Variants in UBA5 observed in about 807,000 individuals in gnomAD.
UBA5 encodes ubiquitin-like modifier-activating enzyme 5.
UBA5 carries 28 observed loss-of-function variants against 52.9 expected under a neutral mutation model. The ratio of observed to expected loss-of-function variants is 0.53; its 90% CI spans 0.39 to 0.73. The LOEUF (loss-of-function observed/expected upper bound fraction) is 0.73, where lower values mean the gene tolerates loss of function less well. UBA5 is among the 30% of genes least tolerant of loss of function. The pLI, the probability that UBA5 is intolerant of heterozygous loss-of-function variation, is 0.00. For synonymous variants in UBA5, 135 were observed against 162.1 expected, an observed-to-expected ratio of 0.83 and a Z score of 1.27; for missense variants, 388 against 492.7, an observed-to-expected ratio of 0.79 and a Z score of 2.01.
intron 7 of UBA5, 34 bp from the exon 8 acceptor site, chr3:132,672,015 CT>C (rs59956066): frequency 5.0e-5 from 79 of 1,591,762 alleles, no homozygotes; most frequent in Admixed American, 2.2e-4. Flanking sequence ...TACTTTTTCT[CT>C]TTTTTTTTGA....
Position 132,676,523 on chromosome 3 carries a change from G to C in UBA5, c.1212G>C (p.Met404Ile). The change falls in exon 12 of 12, where the codon ATG (methionine) becomes ATC (isoleucine). Residue 404 changes from methionine (M) to isoleucine (I), a missense_variant. Transcript: ENST00000356232. This position sits in a 1 kb window ranked among gnomAD's most constrained non-coding sequence, Gnocchi z 4.1. The part of the protein sequence containing the change: ...LEDLMAKMKN[M>I] ...ACCTCATGGCCAAAATGAAGAATAT[G>C]TAGATAATGGACTGGGATATATTGT... 6.3e-7 allele frequency: 1 copy of C among 1,599,536 alleles called. No individual in the cohort carries two copies. The highest frequency in any genetic ancestry group is 8.5e-7 in the Non-Finnish European group (1 of 1,170,462).
Position 132,676,013 on chromosome 3 carries a change from C to T in UBA5, c.1131+90C>T. 1 of 895,556 alleles carries T rather than the reference C, an allele frequency of 1.1e-6. No homozygotes were observed. Among genetic ancestry groups the T allele is most frequent in the South Asian group, 1.9e-5 (1 of 53,960 alleles). The allele number at this position is 895,556 out of a possible 1,614,324, so 55.5% of individuals were successfully genotyped here. ...AATTTGTAATGCCAATGAAGTATTT[C>T]CTGTTTTAGATATTTTATGCTATAG... On this transcript the variant is annotated intron_variant, in intron 11 of 11. Transcript: ENST00000356232. This position sits in a 1 kb window ranked among gnomAD's most constrained non-coding sequence, Gnocchi z 4.1.
intron 1 of UBA5, among the ~76,000 whole-genome samples, chr3:132,654,990 G>A (rs1260678833): frequency 1.3e-5 from 2 of 152,100 alleles, no homozygotes; most frequent in Non-Finnish European, 1.5e-5. Context: ...ACTGAATACT[G>A]CAGGCAATTA....
At position 132,675,366 on chromosome 3, in the gene UBA5, C is replaced by A. The variant is rs753324669; in HGVS notation, c.931C>A (p.Gln311Lys). The A allele has an allele frequency of 5.0e-6, 8 of 1,613,480 alleles. No homozygotes were observed. In the South Asian group the frequency reaches 8.8e-5, roughly 18 times the overall value. The part of the protein sequence containing the change: ...PQCDDRNCRK[Q>K]QEEYKKKVAA... ...GTGTGATGACAGAAATTGCAGGAAG[C>A]AGCAGGAGGAATATAAGGTATATGA... Residue 311 changes from glutamine to lysine, a missense_variant, in exon 9 of 12, where the codon CAG (glutamine) becomes AAG (lysine). Physicochemically the swap from Gln to Lys is moderately conservative, Grantham distance 53. This residue lies in a region of UBA5 where 277 missense variants were observed against 326.4 expected (regional missense o/e 0.85). Coordinates refer to ENST00000356232, the MANE Select transcript of UBA5 (RefSeq NM_024818.6).
At chr3:132,673,208 CAA>C (rs1261651062) in intron 8 of UBA5, among the ~76,000 whole-genome samples, 1 of 152,162 alleles carries the variant, frequency 6.6e-6, no homozygotes, top group African/African-American at 2.4e-5. Context: ...TCATGGCTAA[CAA>C]AGTATTCCCT....
chr3:132,658,812 C>T (rs1486895356), upstream of UBA5, among the ~76,000 whole-genome samples: 2 of 152,098 alleles, frequency 1.3e-5, no homozygotes, highest in Non-Finnish European at 2.9e-5. Flanking sequence ...GCAATTTTTA[C>T]GCCCTTTCAC....
upstream of UBA5, among the ~76,000 whole-genome samples, chr3:132,656,654 C>G (rs899673484): frequency 8.6e-5 from 13 of 151,978 alleles, no homozygotes. Context: ...ACCACCACAC[C>G]CAGCTAATTT....
In UBA5 at chr3:132,671,032, C is replaced by T. The variant is rs374052333; in HGVS notation, c.562C>T (p.Arg188Ter). The T allele has an allele frequency of 2.2e-5, 36 of 1,612,932 alleles. No individual in the cohort carries two copies. Among genetic ancestry groups the T allele is most frequent in the Non-Finnish European group, 3.0e-5 (35 of 1,179,300 alleles). Reference protein sequence around the residue: ...VLSCVDNFEARMTINTACNEL... With the variant: ...VLSCVDNFEA ...TAGCTGTGTGGACAATTTTGAAGCT[C>T]GAATGACAATAAATACAGTGAGTAT... The change falls in exon 6 of 12, where the codon CGA becomes TGA. Residue 188 changes from arginine to a stop codon, truncating the protein, a stop_gained. Coordinates refer to ENST00000356232, the MANE Select transcript of UBA5 (RefSeq NM_024818.6). LOFTEE classifies it high-confidence loss of function.
upstream of UBA5, among the ~76,000 whole-genome samples, chr3:132,656,495 AT>A (rs34116314): frequency 8.6e-4 from 126 of 145,694 alleles, no homozygotes; most frequent in Non-Finnish European, 8.8e-4. Context: ...ATATTGTCAG[AT>A]TTTTTTTTTT....
At chr3:132,665,206 A>G (rs1938324560) in intron 1 of UBA5, among the ~76,000 whole-genome samples, 1 of 152,076 alleles carries the variant, frequency 6.6e-6, no homozygotes, top group African/African-American at 2.4e-5. Flanking sequence ...ATATGATGGT[A>G]ATGGACTTAA....
intron 1 of UBA5, among the ~76,000 whole-genome samples, chr3:132,663,819 A>G (rs1938266295): frequency 6.6e-6 from 1 of 152,214 alleles, no homozygotes; most frequent in South Asian, 2.1e-4. Flanking sequence ...ACATCCCCCT[A>G]AATTATCATT....
Position 132,676,960 on chromosome 3 carries a change from A to G in UBA5, c.*434A>G. ...TACAGCTTATTGATTAGAGCTGGCA[A>G]GCATCTGCTCATTATGTTTGGAATT... On this transcript the variant is annotated 3_prime_UTR_variant, in exon 12 of 12. Transcript: ENST00000356232. The surrounding 1 kb of genome is among the most constrained non-coding windows in gnomAD (Gnocchi z 4.1). 4.6e-6 allele frequency: 2 copies of G among 435,872 alleles called. No homozygotes were observed. Among genetic ancestry groups the G allele is most frequent in the Admixed American group, 4.9e-5 (2 of 40,936 alleles). 27.0% of individuals were successfully genotyped at this position (435,872 alleles called of 1,614,324 possible).
At position 132,671,095 on chromosome 3, in the gene UBA5, T is replaced by A. The variant is rs1938581962; in HGVS notation, c.579+46T>A. ...AGATATATTCATGGATTTATCTGTT[T>A]TCCTGTATATTCTATCAGTATATAA... On this transcript the variant is annotated intron_variant, in intron 6 of 11. Coordinates refer to ENST00000356232, the MANE Select transcript of UBA5 (RefSeq NM_024818.6). The A allele has an allele frequency of 2.7e-6, 4 of 1,488,292 alleles. No homozygotes were observed. The Admixed American group carries it at 5.1e-5, about 19-fold the overall frequency. 92.2% of individuals were successfully genotyped at this position (1,488,292 alleles called of 1,614,324 possible). A position where few individuals can be genotyped will look rare whatever the true frequency, so the allele number is the denominator to read the frequency against.
chr3:132,674,497 G>A (rs1938745050), intron 8 of UBA5, among the ~76,000 whole-genome samples: 1 of 152,120 alleles, frequency 6.6e-6, no homozygotes, highest in Non-Finnish European at 1.5e-5. Context: ...AGACCAGCTT[G>A]GGCAACATGG....
rs1303301671 is a variant in UBA5, at chr3:132,676,963, ATCTGC to A, written c.*440_*444del. 2.3e-6 allele frequency: 1 copy of A among 427,384 alleles called. No homozygotes were observed. The highest frequency in any genetic ancestry group is 7.1e-5 in the East Asian group (1 of 14,096). 26.5% of individuals were successfully genotyped at this position (427,384 alleles called of 1,614,324 possible). ...AGCTTATTGATTAGAGCTGGCAAGC[ATCTGC>A]TCATTATGTTTGGAATTGCTTTCTA... On this transcript the variant is annotated 3_prime_UTR_variant, in exon 12 of 12. Coordinates refer to ENST00000356232, the MANE Select transcript of UBA5 (RefSeq NM_024818.6). The surrounding 1 kb of genome is among the most constrained non-coding windows in gnomAD (Gnocchi z 4.1).
At chr3:132,673,952 C>G (rs1272556900) in intron 8 of UBA5, among the ~76,000 whole-genome samples, 1 of 152,186 alleles carries the variant, frequency 6.6e-6, no homozygotes, top group Non-Finnish European at 1.5e-5. Flanking sequence ...AGGCATGAGC[C>G]ACTGCACACG....
upstream of UBA5, chr3:132,660,286 C>G (rs1242086919): frequency 3.4e-6 from 2 of 582,624 alleles, no homozygotes; most frequent in African/African-American, 1.9e-5. The surrounding 1 kb of genome is among the most constrained non-coding windows in gnomAD (Gnocchi z 4.1). Flanking sequence ...GGAAGGAAGC[C>G]GAAAGAGCCA....
At chr3:132,656,056 C>A (rs375388753), upstream of UBA5, among the ~76,000 whole-genome samples, 113 of 152,264 alleles carry the variant, frequency 7.4e-4, 1 homozygote, top group African/African-American at 2.6e-3. Context: ...TGAGTGACTA[C>A]CATTCTGAAT....
intron 8 of UBA5, 115 bp from the exon 9 acceptor site, chr3:132,675,133 C>G: frequency 1.3e-6 from 1 of 769,388 alleles, no homozygotes; most frequent in Non-Finnish European, 2.0e-6. Context: ...TTTCTGTTTT[C>G]TGGTTAAAAA....
Sources: gnomAD v4.1 joint callset for allele counts (sites outside exome capture counted in the v4.1 genomes callset) on GRCh38, gnomAD v4.1.1 for gene constraint, gnomAD v4.1.1 regional missense constraint, Gnocchi (gnomAD v3.1) non-coding constraint, MANE v1.5 for transcripts, NCBI Gene and HGNC (gene_info 2026-07-23, HGNC 2026-07-21) for gene names.